The following RNGTT variants were observed in gnomAD, a reference collection of about 807,000 sequenced individuals.
The protein encoded by RNGTT is RNA guanylyltransferase and 5'-phosphatase, also known as mRNA-capping enzyme.
RNGTT carries 33 observed loss-of-function variants against 79.3 expected under a neutral mutation model. The observed-to-expected ratio is 0.42, with a 90% CI of 0.32 to 0.56. The LOEUF is 0.56. Ranked by LOEUF, RNGTT falls within the 20% of genes least tolerant of loss-of-function variation. The pLI is 0.17. For synonymous variants in RNGTT, 222 were observed against 235.9 expected (o/e 0.94, Z 0.54); for missense variants, 497 against 739.1 (o/e 0.67, Z 3.80).
At chr6:88,785,177 C>A (rs544245582) in intron 12 of RNGTT, among the ~76,000 whole-genome samples, 1 of 152,016 alleles carries the variant, frequency 6.6e-6, no homozygotes, top group Non-Finnish European at 1.5e-5. Context: ...TATATGAGAA[C>A]TGATTTGGTA....
At chr6:88,941,609 G>C (rs1784849645) in intron 1 of RNGTT, among the ~76,000 whole-genome samples, 1 of 151,746 alleles carries the variant, frequency 6.6e-6, no homozygotes, top group Non-Finnish European at 1.5e-5. Flanking sequence ...AAAAATGCAA[G>C]TGTTCATAAA....
chr6:88,731,933 A>C (rs562937081), intron 13 of RNGTT, among the ~76,000 whole-genome samples: 1 of 152,336 alleles, frequency 6.6e-6, no homozygotes, highest in South Asian at 2.1e-4. Context: ...AAGGAAAGAA[A>C]ATGTTAAAAA....
chr6:88,925,515 C>T (rs902150031), intron 4 of RNGTT, among the ~76,000 whole-genome samples: 1 of 151,554 alleles, frequency 6.6e-6, no homozygotes, highest in South Asian at 2.1e-4. Context: ...ATCACTTGAG[C>T]CCTGCAGACA....
At chr6:88,857,631 A>G (rs1781882742) in intron 8 of RNGTT, among the ~76,000 whole-genome samples, 1 of 152,186 alleles carries the variant, frequency 6.6e-6, no homozygotes, top group African/African-American at 2.4e-5. Context: ...TTTTTAAACA[A>G]TGATAAAAAT....
intron 8 of RNGTT, among the ~76,000 whole-genome samples, chr6:88,889,453 G>T (rs1195811366): frequency 6.6e-6 from 1 of 152,062 alleles, no homozygotes; most frequent in African/African-American, 2.4e-5. Context: ...AATGGAGATG[G>T]AGATGGCATG....
In RNGTT at chr6:88,694,750, G is replaced by A. The variant is rs115483155; in HGVS notation, c.1440-16331C>T. 2.4e-3 allele frequency among the ~76,000 whole-genome samples: 368 copies of A among 152,122 alleles called. 1 individual carries two copies. Among genetic ancestry groups the A allele is most frequent in the African/African-American group, 8.3e-3 (344 of 41,508 alleles). ...ATGGTACTGCCATAAAAATAGATACGCTGACCAATGGAAGAGAATAGACAG... is the reference window on the plus strand; with the variant it reads ...ATGGTACTGCCATAAAAATAGATACACTGACCAATGGAAGAGAATAGACAG... On this transcript the variant is annotated intron_variant, in intron 13 of 15. Coordinates refer to ENST00000369485, the MANE Select transcript of RNGTT (RefSeq NM_003800.5).
chr6:88,707,348 C>A (rs1776161289), intron 13 of RNGTT, among the ~76,000 whole-genome samples: 1 of 119,148 alleles, frequency 8.4e-6, no homozygotes, highest in Non-Finnish European at 1.6e-5. Flanking sequence ...AAAGGATCTT[C>A]AAACCACCTA....
intron 12 of RNGTT, among the ~76,000 whole-genome samples, chr6:88,784,509 A>C (rs1358691943): frequency 6.6e-6 from 1 of 152,154 alleles, no homozygotes; most frequent in Non-Finnish European, 1.5e-5. Flanking sequence ...AAAAGAAAAT[A>C]GTTTCAGGCA....
intron 15 of RNGTT, among the ~76,000 whole-genome samples, chr6:88,613,173 A>AT (rs1477216289): frequency 6.6e-6 from 1 of 152,130 alleles, no homozygotes; most frequent in Non-Finnish European, 1.5e-5. Context: ...TTTTTATGGG[A>AT]TTTTAATCTA....
intron 11 of RNGTT, among the ~76,000 whole-genome samples, chr6:88,834,796 A>C (rs1452385710): frequency 6.6e-6 from 1 of 152,156 alleles, no homozygotes; most frequent in Non-Finnish European, 1.5e-5. Flanking sequence ...AGTGATAAAC[A>C]AGAAAATAAA....
intron 1 of RNGTT, among the ~76,000 whole-genome samples, chr6:88,954,323 G>T (rs1309282969): frequency 2.0e-5 from 3 of 152,142 alleles, no homozygotes; most frequent in Non-Finnish European, 4.4e-5. Flanking sequence ...TCAAAAGCGG[G>T]CAGGAATAGC....
rs145353961 is a variant in RNGTT at position 88,826,712 on chromosome 6, G to A, written c.1269+17645C>T. On this transcript the variant is annotated intron_variant, in intron 11 of 15. Transcript: ENST00000369485. ...GAAGGAGAATCATTTGAACCTGGGA[G>A]GCAGAGGTTGCGATGAGCCAATATC... Among the ~76,000 whole-genome samples, 686 of 150,844 alleles carry A rather than the reference G, an allele frequency of 4.5e-3. 2 individuals carry two copies. Among genetic ancestry groups the A allele is most frequent in the African/African-American group, 0.016 (649 of 41,098 alleles).
intron 12 of RNGTT, among the ~76,000 whole-genome samples, chr6:88,799,069 T>C (rs534427383): frequency 3.0e-4 from 46 of 151,530 alleles, no homozygotes; most frequent in Non-Finnish European, 6.3e-4. Flanking sequence ...AGACACAATT[T>C]ACCACAAAAG....
chr6:88,693,132 A>T (rs1775540487), intron 13 of RNGTT, among the ~76,000 whole-genome samples: 1 of 152,068 alleles, frequency 6.6e-6, no homozygotes, highest in Non-Finnish European at 1.5e-5. Context: ...TAAAGATCAA[A>T]GCAGAAATTT....
At chr6:88,921,316 C>T (rs2127950277) in intron 4 of RNGTT, among the ~76,000 whole-genome samples, 1 of 148,816 alleles carries the variant, frequency 6.7e-6, no homozygotes, top group East Asian at 2.0e-4. Flanking sequence ...GAGACCTGGT[C>T]TTTAAAAAAA....
chr6:88,626,495 G>A (rs973074906), intron 14 of RNGTT, among the ~76,000 whole-genome samples: 4 of 151,928 alleles, frequency 2.6e-5, no homozygotes, highest in African/African-American at 9.7e-5. Context: ...TCTAAAGGTG[G>A]GAGACAAAGT....
intron 6 of RNGTT, among the ~76,000 whole-genome samples, chr6:88,901,325 A>G (rs1458334723): frequency 2.0e-5 from 3 of 151,918 alleles, no homozygotes; most frequent in Non-Finnish European, 4.4e-5. Flanking sequence ...ACGCAGGATA[A>G]ATACAAAGAA....
At chr6:88,737,557 G>C (rs911799567) in intron 13 of RNGTT, among the ~76,000 whole-genome samples, 1 of 152,130 alleles carries the variant, frequency 6.6e-6, no homozygotes, top group African/African-American at 2.4e-5. Context: ...TGAAAATACG[G>C]CCTCTTACGA....
At chr6:88,788,197 C>T (rs968183828) in intron 12 of RNGTT, among the ~76,000 whole-genome samples, 15 of 152,024 alleles carry the variant, frequency 9.9e-5, no homozygotes, top group African/African-American at 3.6e-4. Flanking sequence ...GAGTAACATG[C>T]TGATAAAAAT....
Sources: allele counts gnomAD v4.1 joint callset (sites outside exome capture counted in the v4.1 genomes callset), GRCh38; gene constraint gnomAD v4.1.1; transcripts MANE v1.5; gene names NCBI Gene and HGNC (gene_info 2026-07-23, HGNC 2026-07-21).